The following SLC24A4 variants were observed in gnomAD, a reference collection of about 807,000 sequenced individuals.
The protein encoded by SLC24A4 is solute carrier family 24 member 4.
A neutral mutation model predicts 79.0 loss-of-function variants in SLC24A4; 53 were observed. The ratio of observed to expected loss-of-function variants is 0.67; its 90% confidence interval spans 0.54 to 0.84. The LOEUF is 0.84. Among genes scored for constraint, SLC24A4 ranks in the 40% least tolerant of loss-of-function variants. The pLI is 0.00. For synonymous variants in SLC24A4, 323 were observed against 323.8 expected (o/e 1.00, Z 0.03); for missense variants, 731 against 822.0 (o/e 0.89, Z 1.35).
At chr14:92,382,681 C>T (rs867203533) in intron 2 of SLC24A4, among the ~76,000 whole-genome samples, 4 of 152,206 alleles carry the variant, frequency 2.6e-5, no homozygotes, top group Non-Finnish European at 4.4e-5. Context: ...CAAGCTGCCC[C>T]CTCCGTAGGT....
At chr14:92,464,481 G>T (rs529698474) in intron 12 of SLC24A4, among the ~76,000 whole-genome samples, 86 of 152,214 alleles carry the variant, frequency 5.6e-4, no homozygotes, top group Admixed American at 1.6e-3. Context: ...ACAGATCTTC[G>T]CATGCCAGCA....
At chr14:92,349,080 TA>T (rs111411964) in intron 2 of SLC24A4, among the ~76,000 whole-genome samples, 239 of 139,642 alleles carry the variant, frequency 1.7e-3, no homozygotes, top group Middle Eastern at 3.6e-3. Flanking sequence ...CTCTTCCAGG[TA>T]AAAAAAAAAA....
At chr14:92,358,967 T>C (rs1001957299) in intron 2 of SLC24A4, among the ~76,000 whole-genome samples, 3 of 152,074 alleles carry the variant, frequency 2.0e-5, no homozygotes, top group Non-Finnish European at 4.4e-5. Context: ...ATTACAGGTG[T>C]GAGCCACCAC....
chr14:92,334,459 A>T (rs1595128222), intron 2 of SLC24A4, among the ~76,000 whole-genome samples: 1 of 152,194 alleles, frequency 6.6e-6, no homozygotes, highest in South Asian at 2.1e-4. Context: ...GTTATAGTGG[A>T]TCAGTGGATT....
At position 92,326,260 on chromosome 14, in the gene SLC24A4, C is replaced by T. The variant is rs79363863; in HGVS notation, c.241+282C>T. Among the ~76,000 whole-genome samples the T allele has an allele frequency of 0.18, 13,480 of 74,120 alleles. 651 individuals are homozygous for T. Among genetic ancestry groups the T allele is most frequent in the South Asian group, 0.25 (349 of 1,386 alleles). 48.6% of individuals were successfully genotyped at this position (74,120 alleles called of 152,430 possible). A position where few individuals can be genotyped will look rare whatever the true frequency, so the allele number is the denominator to read the frequency against. ...AATGTTCCTGAAGGCTAAGTATTTT[C>T]CCTGCTCTCTTGATGTTTGCGGCTC... On this transcript the variant is annotated intron_variant, in intron 2 of 16. Transcript: ENST00000532405.
At chr14:92,463,155 G>C (rs543906312) in intron 12 of SLC24A4, among the ~76,000 whole-genome samples, 1 of 152,144 alleles carries the variant, frequency 6.6e-6, no homozygotes, top group Non-Finnish European at 1.5e-5. Flanking sequence ...ACAGGCAATC[G>C]GAAGATTTCG....
rs765190503 is a variant in SLC24A4 at position 92,453,940 on chromosome 14, G to C, written c.921G>C (p.Met307Ile). 3.1e-6 allele frequency: 5 copies of C among 1,613,370 alleles called. No homozygotes were observed. In the East Asian group the frequency reaches 1.1e-4, roughly 36 times the overall value. ...AGTATGGCAAGAACCCCGTGGTGAT[G>C]GTGGACGAGATTATGAGCTCCAGCC... ...KPQYGKNPVVMVDEIMSSSPP... is the reference protein window; with the variant it reads ...KPQYGKNPVVIVDEIMSSSPP... The change falls in exon 11 of 17, where the codon ATG (methionine) becomes ATC (isoleucine). Residue 307 changes from methionine (M) to isoleucine (I), a missense_variant. Met to Ile is a conservative substitution (Grantham distance 10). Transcript: ENST00000532405.
rs1390735047 is a variant in SLC24A4 at position 92,490,835 on chromosome 14, C to T, written c.1538-830C>T. On this transcript the variant is annotated intron_variant, in intron 14 of 16. Transcript: ENST00000532405. The surrounding 1 kb of genome is among the most constrained non-coding windows in gnomAD (Gnocchi z 4.3). ...GGCTTCGTTCCCACAAACGGGGTGC[C>T]GTAAACAACGGAAGTGTATTGTCTT... Among the ~76,000 whole-genome samples the T allele has an allele frequency of 1.3e-5, 2 of 152,186 alleles. No individual in the cohort carries two copies. Among genetic ancestry groups the T allele is most frequent in the Non-Finnish European group, 2.9e-5 (2 of 68,032 alleles).
intron 2 of SLC24A4, among the ~76,000 whole-genome samples, chr14:92,371,420 A>G (rs1329922604): frequency 1.3e-5 from 2 of 152,214 alleles, no homozygotes; most frequent in African/African-American, 4.8e-5. Flanking sequence ...CATACATGGC[A>G]GGAGAGAGAT....
intron 2 of SLC24A4, among the ~76,000 whole-genome samples, chr14:92,414,955 G>T (rs1436602348): frequency 6.6e-6 from 1 of 152,198 alleles, no homozygotes; most frequent in Non-Finnish European, 1.5e-5. Flanking sequence ...GAATTGTGTC[G>T]CTGTGAGGCC....
intron 2 of SLC24A4, among the ~76,000 whole-genome samples, chr14:92,354,168 CTT>C (rs111511708): frequency 3.3e-4 from 47 of 142,448 alleles, no homozygotes; most frequent in Admixed American, 5.6e-4. Context: ...TTACTGACTA[CTT>C]TTTTTTTTTT....
At chr14:92,464,504 C>T (rs1023303202) in intron 12 of SLC24A4, among the ~76,000 whole-genome samples, 2 of 152,208 alleles carry the variant, frequency 1.3e-5, no homozygotes, top group Non-Finnish European at 2.9e-5. Context: ...AAGAAGCCCA[C>T]ACAAGCCTCC....
rs1566774060 is a variant in SLC24A4 at position 92,447,384 on chromosome 14, G to T, written c.697G>T (p.Val233Leu). 3 of 1,614,128 alleles carry T rather than the reference G, an allele frequency of 1.9e-6. No homozygotes were observed. The highest frequency in any genetic ancestry group is 4.5e-5 in the East Asian group (2 of 44,888). ...DEQIVWWEGL[V>L]LIILYVFYIL... ...TCTCTCTTTGAGGTGGGAAGGCCTG[G>T]TGCTCATCATCTTGTATGTGTTTTA... is the stretch of plus-strand genomic sequence containing the variant. The change falls in exon 9 of 17, where the codon GTG becomes TTG. Residue 233 changes from valine (V) to leucine (L), a missense_variant. By Grantham distance (32) the Val-to-Leu change is conservative. Transcript: ENST00000532405.
intron 12 of SLC24A4, 36 bp from the exon 13 acceptor site, chr14:92,482,643 TC>T: frequency 6.4e-7 from 1 of 1,558,320 alleles, no homozygotes; most frequent in Non-Finnish European, 8.7e-7. Flanking sequence ...TGTCTTTCTC[TC>T]CCCCTCCTTT....
At chr14:92,402,280 C>G (rs991406959) in intron 2 of SLC24A4, among the ~76,000 whole-genome samples, 1 of 152,132 alleles carries the variant, frequency 6.6e-6, no homozygotes, top group Non-Finnish European at 1.5e-5. Flanking sequence ...TTTAGGAAAG[C>G]CATCCACTTT....
At chr14:92,435,247 AG>A (rs953863563) in intron 3 of SLC24A4, among the ~76,000 whole-genome samples, 3 of 152,202 alleles carry the variant, frequency 2.0e-5, no homozygotes, top group Non-Finnish European at 4.4e-5. Flanking sequence ...AAAAGAAATA[AG>A]GGTTCAAACC....
chr14:92,471,248 C>T (rs1214602065), intron 12 of SLC24A4, among the ~76,000 whole-genome samples: 1 of 152,204 alleles, frequency 6.6e-6, no homozygotes, highest in Admixed American at 6.5e-5. Flanking sequence ...GCCTCTGCAA[C>T]TCCAGTGACT....
At chr14:92,362,391 T>C (rs939330658) in intron 2 of SLC24A4, among the ~76,000 whole-genome samples, 1 of 152,104 alleles carries the variant, frequency 6.6e-6, no homozygotes, top group Non-Finnish European at 1.5e-5. Context: ...TTCCCATCTC[T>C]CCAGTTCCTC....
At chr14:92,419,840 G>T (rs1212147768) in intron 2 of SLC24A4, among the ~76,000 whole-genome samples, 3 of 152,212 alleles carry the variant, frequency 2.0e-5, no homozygotes, top group African/African-American at 7.2e-5. Flanking sequence ...AAGATATGGT[G>T]AAGTCCTAAC....
Sources: gnomAD v4.1 joint callset for allele counts (sites outside exome capture counted in the v4.1 genomes callset) on GRCh38, gnomAD v4.1.1 for gene constraint, Gnocchi (gnomAD v3.1) non-coding constraint, MANE v1.5 for transcripts, NCBI Gene and HGNC (gene_info 2026-07-23, HGNC 2026-07-21) for gene names.